LFNG: variants seen among roughly 807,000 people sequenced by gnomAD.
LFNG encodes the protein beta-1,3-N-acetylglucosaminyltransferase lunatic fringe.
A neutral mutation model predicts 32.7 loss-of-function variants in LFNG; 15 were observed. The observed-to-expected ratio is 0.46, with a 90% CI of 0.31 to 0.71. The LOEUF is 0.71. LFNG is among the 30% of genes least tolerant of loss of function. LFNG has a pLI of 0.06. For missense variants in LFNG, 520 were observed against 545.7 expected (o/e 0.95, Z 0.47); for synonymous variants, 274 against 246.8 (o/e 1.11, Z -1.03).
In LFNG at chr7:2,526,860, G is replaced by C; in HGVS notation, c.1012G>C (p.Glu338Gln). Residue 338 changes from glutamate to glutamine, a missense_variant, in exon 7 of 8, where the codon GAA becomes CAA. Around this residue, in one of 3 missense-constraint regions of LFNG, gnomAD observed 150 missense variants for 159.9 expected, o/e 0.94. Transcript: ENST00000222725. This position sits in a 1 kb window ranked among gnomAD's most constrained non-coding sequence, Gnocchi z 6.9. ...EQVTLSYGMF[E>Q]NKRNAVHVKG... is the part of the protein sequence containing the mutation. ...GGTGACGCTGAGCTACGGTATGTTT[G>C]AAAACAAGCGGAACGCCGTCCACGT... is the stretch of plus-strand genomic sequence containing the variant. 1 of 1,612,434 alleles carries C rather than the reference G, an allele frequency of 6.2e-7. No homozygotes were observed. Among genetic ancestry groups the C allele is most frequent in the East Asian group, 2.2e-5 (1 of 44,814 alleles).
At chr7:2,525,092 A>G in intron 2 of LFNG, 127 bp from the exon 3 acceptor site, 3 of 852,722 alleles carry the variant, frequency 3.5e-6, no homozygotes, top group Non-Finnish European at 5.7e-6. Flanking sequence ...GGGGGAGGCT[A>G]CGGCCGCCGG....
intron 2 of LFNG, 77 bp downstream of exon 2, chr7:2,524,820 C>T (rs2128376953): frequency 2.2e-6 from 3 of 1,368,396 alleles, no homozygotes; most frequent in Non-Finnish European, 3.1e-6. Context: ...GTCTCCCTGC[C>T]CCTCTGGGCC....
chr7:2,528,976 G>T, downstream of LFNG: 1 of 495,912 alleles, frequency 2.0e-6, no homozygotes, highest in South Asian at 2.8e-5. Flanking sequence ...CCGTGGGTCC[G>T]GCCGCCCCAC....
intron 1 of LFNG, among the ~76,000 whole-genome samples, chr7:2,521,515 C>G (rs559554128): frequency 9.1e-4 from 138 of 152,350 alleles, no homozygotes; most frequent in African/African-American, 3.0e-3. Flanking sequence ...GGCGTGCTGG[C>G]CACTCAGGTT....
upstream of LFNG, chr7:2,518,410 T>C: frequency 1.4e-6 from 1 of 697,588 alleles, no homozygotes; most frequent in South Asian, 1.5e-5. Context: ...GTACAGGGGC[T>C]AGGGGTGGGG....
At chr7:2,524,132 T>C (rs1330827834) in intron 1 of LFNG, among the ~76,000 whole-genome samples, 1 of 152,158 alleles carries the variant, frequency 6.6e-6, no homozygotes, top group Non-Finnish European at 1.5e-5. Flanking sequence ...TGCCTGGTGA[T>C]TCATCCTCCC....
chr7:2,526,997 G>A lies in LFNG; in HGVS notation c.1073+76G>A, dbSNP rs1780001986. On this transcript the variant is annotated intron_variant, in intron 7 of 7. Transcript: ENST00000222725. This position sits in a 1 kb window ranked among gnomAD's most constrained non-coding sequence, Gnocchi z 6.9. ...CAGGGGGCCTCGTGGAGCTGCAGCAGGGTCTCTCTAAGCGGCATGACTCTA... is the reference window on the plus strand; with the variant it reads ...CAGGGGGCCTCGTGGAGCTGCAGCAAGGTCTCTCTAAGCGGCATGACTCTA... 1.4e-6 allele frequency: 2 copies of A among 1,470,836 alleles called. No individual in the cohort carries two copies. Among genetic ancestry groups the A allele is most frequent in the Non-Finnish European group, 1.9e-6 (2 of 1,058,626 alleles). The allele number at this position is 1,470,836 out of a possible 1,614,324, so 91.1% of individuals were successfully genotyped here.
At chr7:2,524,886 TGCCCC>T in intron 2 of LFNG, 143 bp downstream of exon 2, 1 of 772,710 alleles carries the variant, frequency 1.3e-6, no homozygotes. Flanking sequence ...GTTTGCTCCA[TGCCCC>T]GCCCCACCAC....
upstream of LFNG, among the ~76,000 whole-genome samples, chr7:2,513,772 T>C (rs115987990): frequency 4.7e-3 from 717 of 152,356 alleles, 10 homozygotes; most frequent in African/African-American, 0.016. Context: ...GTCTGGACTC[T>C]GCAGGACGTC....
chr7:2,527,763 A>G lies in LFNG; in HGVS notation c.*551A>G. The G allele has an allele frequency of 9.9e-7, 1 of 1,011,976 alleles. No individual in the cohort carries two copies. The highest frequency in any genetic ancestry group is 1.2e-6 in the Non-Finnish European group (1 of 844,270). 62.7% of individuals were successfully genotyped at this position (1,011,976 alleles called of 1,614,324 possible). On this transcript the variant is annotated 3_prime_UTR_variant, in exon 8 of 8. Coordinates refer to ENST00000222725, the MANE Select transcript of LFNG (RefSeq NM_001040167.2). The surrounding 1 kb of genome is among the most constrained non-coding windows in gnomAD (Gnocchi z 4.4). ...GGCCTGGACGCTGTGGCTTAAGAGT[A>G]ACAGCAGCCACCGCCCAGTTCCAGT... is the stretch of plus-strand genomic sequence containing the variant.
Position 2,527,479 on chromosome 7 carries a change from T to G in LFNG, c.*267T>G. On this transcript the variant is annotated 3_prime_UTR_variant, in exon 8 of 8. Coordinates refer to ENST00000222725, the MANE Select transcript of LFNG (RefSeq NM_001040167.2). This position sits in a 1 kb window ranked among gnomAD's most constrained non-coding sequence, Gnocchi z 4.4. Reference sequence around the variant, plus strand: ...CTGCAGGGCCTGCTTGGAGGAAGGATTTGTGTGTCGGAGGCCACTCCGAGG... The same window carrying G: ...CTGCAGGGCCTGCTTGGAGGAAGGAGTTGTGTGTCGGAGGCCACTCCGAGG... The G allele has an allele frequency of 7.1e-7, 1 of 1,399,678 alleles. No individual in the cohort carries two copies. Among genetic ancestry groups the G allele is most frequent in the East Asian group, 2.7e-5 (1 of 37,260 alleles). The allele number at this position is 1,399,678 out of a possible 1,614,324, so 86.7% of individuals were successfully genotyped here. A position where few individuals can be genotyped will look rare whatever the true frequency, so the allele number is the denominator to read the frequency against.
Position 2,520,412 on chromosome 7 carries a change from C to G in LFNG, c.432+119C>G, listed in dbSNP as rs1043161298. On this transcript the variant is annotated intron_variant, in intron 1 of 7. Transcript: ENST00000222725. The surrounding 1 kb of genome is among the most constrained non-coding windows in gnomAD (Gnocchi z 5.0). ...ATCCCCATCCAGCCACTAGGGCCAT[C>G]TGTGGGCGACGCCAGTGCACCCCGG... The G allele has an allele frequency of 8.8e-6, 8 of 913,158 alleles. No homozygotes were observed. In the African/African-American group the frequency reaches 1.4e-4, roughly 16 times the overall value. 56.6% of individuals were successfully genotyped at this position (913,158 alleles called of 1,614,324 possible).
rs904399653 is a variant in LFNG at position 2,520,561 on chromosome 7, C to G, written c.432+268C>G. ...CAGGACCCTACACCAGTCTCCAGTG[C>G]TTGGGGTTGGTGCCCTGTGATACTT... On this transcript the variant is annotated intron_variant, in intron 1 of 7. Transcript: ENST00000222725. This position sits in a 1 kb window ranked among gnomAD's most constrained non-coding sequence, Gnocchi z 5.0. 1.3e-5 allele frequency among the ~76,000 whole-genome samples: 2 copies of G among 152,240 alleles called. No homozygotes were observed. Among genetic ancestry groups the G allele is most frequent in the East Asian group, 1.9e-4 (1 of 5,186 alleles).
intron 1 of LFNG, among the ~76,000 whole-genome samples, chr7:2,524,381 G>A (rs1779882532): frequency 6.6e-6 from 1 of 152,180 alleles, no homozygotes; most frequent in Admixed American, 6.5e-5. Flanking sequence ...TGGCGGGCGG[G>A]CGAGGCGCAC....
Position 2,520,393 on chromosome 7 carries a change from A to C in LFNG, c.432+100A>C. On this transcript the variant is annotated intron_variant, in intron 1 of 7. Coordinates refer to ENST00000222725, the MANE Select transcript of LFNG (RefSeq NM_001040167.2). This position sits in a 1 kb window ranked among gnomAD's most constrained non-coding sequence, Gnocchi z 5.0. The stretch of plus-strand genomic sequence containing the variant: ...CCCATGGGAGTCAGGCTGCATCCCC[A>C]TCCAGCCACTAGGGCCATCTGTGGG... 2.7e-6 allele frequency: 3 copies of C among 1,105,404 alleles called. No homozygotes were observed. The highest frequency in any genetic ancestry group is 3.9e-6 in the Non-Finnish European group (3 of 773,490). The allele number at this position is 1,105,404 out of a possible 1,614,324, so 68.5% of individuals were successfully genotyped here.
chr7:2,517,961 T>C, upstream of LFNG: 1 of 1,128,414 alleles, frequency 8.9e-7, no homozygotes. Context: ...TAGGAGTGGG[T>C]GGGATGGGGG....
upstream of LFNG, among the ~76,000 whole-genome samples, chr7:2,514,705 T>C (rs1031320049): frequency 6.6e-6 from 1 of 151,960 alleles, no homozygotes; most frequent in South Asian, 2.1e-4. Flanking sequence ...CATACATCCA[T>C]CTATCCATCT....
At chr7:2,516,123 G>A (rs186007144), upstream of LFNG, among the ~76,000 whole-genome samples, 36 of 152,312 alleles carry the variant, frequency 2.4e-4, no homozygotes, top group East Asian at 1.9e-3. Context: ...GCATTCCTGC[G>A]TCTGTGTCAG....
At chr7:2,522,263 A>T (rs1779812895) in intron 1 of LFNG, among the ~76,000 whole-genome samples, 1 of 152,216 alleles carries the variant, frequency 6.6e-6, no homozygotes, top group Admixed American at 6.5e-5. Flanking sequence ...AGAGTAAAAA[A>T]GTGCCCAGAA....
Sources: allele counts gnomAD v4.1 joint callset (sites outside exome capture counted in the v4.1 genomes callset), GRCh38; gene constraint gnomAD v4.1.1; regional missense constraint gnomAD v4.1.1; non-coding constraint Gnocchi (gnomAD v3.1); transcripts MANE v1.5; gene names NCBI Gene and HGNC (gene_info 2026-07-23, HGNC 2026-07-21).